The following MED13L variants were observed in gnomAD, a reference collection of about 807,000 sequenced individuals.
The protein encoded by MED13L is mediator complex subunit 13L, also known as mediator of RNA polymerase II transcription subunit 13-like.
A neutral mutation model predicts 220.9 loss-of-function variants in MED13L; 7 were observed. That is an observed-to-expected ratio of 0.03 (90% CI 0.02 to 0.06). MED13L has a LOEUF of 0.06. Ranked by LOEUF, MED13L falls within the 10% of genes least tolerant of loss-of-function variation. MED13L has a pLI of 1.00. For synonymous variants in MED13L, 1,011 were observed against 1,015.2 expected, an observed-to-expected ratio of 1.00 and a Z score of 0.08; for missense variants, 1,965 against 2,760.5, an observed-to-expected ratio of 0.71 and a Z score of 6.46.
intron 2 of MED13L, among the ~76,000 whole-genome samples, chr12:116,201,914 T>A (rs1424775983): frequency 1.3e-5 from 2 of 152,226 alleles, no homozygotes; most frequent in Non-Finnish European, 2.9e-5. Flanking sequence ...CAAAACTCCA[T>A]GAAAGTCTTT....
intron 2 of MED13L, among the ~76,000 whole-genome samples, chr12:116,231,187 C>A (rs1869523922): frequency 6.6e-6 from 1 of 152,138 alleles, no homozygotes; most frequent in Admixed American, 6.5e-5. Flanking sequence ...GAGATATTCA[C>A]ACAATCTCAA....
At position 116,117,301 on chromosome 12, in the gene MED13L, C is replaced by T. The variant is rs558810925; in HGVS notation, c.311-5789G>A. On this transcript the variant is annotated intron_variant, in intron 2 of 30. Coordinates refer to ENST00000281928, the MANE Select transcript of MED13L (RefSeq NM_015335.5). ...TGGAGGTGGTGAGACAGGTTGATAC[C>T]AAAGGGACACCGGAAATTTGAGGGG... 2.6e-5 allele frequency among the ~76,000 whole-genome samples: 4 copies of T among 152,184 alleles called. No individual in the cohort carries two copies. In the East Asian group the frequency reaches 7.7e-4, roughly 29 times the overall value.
intron 2 of MED13L, among the ~76,000 whole-genome samples, chr12:116,204,004 A>C (rs1202938989): frequency 6.6e-6 from 1 of 152,218 alleles, no homozygotes. Context: ...ACATGTCGTA[A>C]TGGTATCTGC....
At chr12:116,229,154 G>C (rs1869298625) in intron 2 of MED13L, among the ~76,000 whole-genome samples, 1 of 152,032 alleles carries the variant, frequency 6.6e-6, no homozygotes, top group African/African-American at 2.4e-5. Context: ...AATGGTGAGG[G>C]GGGCATCAAA....
intron 14 of MED13L, among the ~76,000 whole-genome samples, chr12:115,998,445 T>C (rs1018949320): frequency 6.6e-6 from 1 of 152,236 alleles, no homozygotes; most frequent in African/African-American, 2.4e-5. Context: ...TGTACCGTGC[T>C]GTGCTCACGG....
rs143412659 is a variant in MED13L at position 116,102,032 on chromosome 12, G to C, written c.396-5280C>G. On this transcript the variant is annotated intron_variant, in intron 3 of 30. Transcript: ENST00000281928. Reference sequence around the variant, plus strand: ...CACTGTGATGCCAGATTTATAAAATGGTCTTTAAGCAATAGTACTAGGAAA... The same window carrying C: ...CACTGTGATGCCAGATTTATAAAATCGTCTTTAAGCAATAGTACTAGGAAA... Among the ~76,000 whole-genome samples, 300 of 152,166 alleles carry C rather than the reference G, an allele frequency of 2.0e-3. 2 individuals carry two copies. The highest frequency in any genetic ancestry group is 4.5e-3 in the Admixed American group (68 of 15,264).
At chr12:116,002,142 C>T (rs1041640670) in intron 14 of MED13L, among the ~76,000 whole-genome samples, 12 of 152,194 alleles carry the variant, frequency 7.9e-5, no homozygotes, top group African/African-American at 2.7e-4. Context: ...CAGCAACGGG[C>T]TGGCTATCAT....
intron 2 of MED13L, among the ~76,000 whole-genome samples, chr12:116,207,543 CA>C (rs1288900131): frequency 1.3e-5 from 2 of 151,716 alleles, no homozygotes; most frequent in East Asian, 1.9e-4. Context: ...TAACAGACAA[CA>C]ACAAAAAAAG....
chr12:116,233,588 C>T (rs1334201241), intron 2 of MED13L, among the ~76,000 whole-genome samples: 1 of 152,212 alleles, frequency 6.6e-6, no homozygotes, highest in Non-Finnish European at 1.5e-5. Context: ...AATTCATTCG[C>T]AGCCTGTAGG....
chr12:115,976,663 AAATC>A (rs1876962908), intron 23 of MED13L, among the ~76,000 whole-genome samples: 2 of 152,358 alleles, frequency 1.3e-5, no homozygotes, highest in Admixed American at 6.5e-5. Context: ...ATAATTTTAA[AAATC>A]AAATCAACAG....
intron 2 of MED13L, among the ~76,000 whole-genome samples, chr12:116,121,906 T>C (rs926137886): frequency 1.3e-5 from 2 of 152,114 alleles, no homozygotes; most frequent in East Asian, 1.9e-4. Context: ...GTTAAAATTG[T>C]TGAAAATCAA....
At chr12:116,039,437 T>G (rs1327246513) in intron 4 of MED13L, among the ~76,000 whole-genome samples, 1 of 152,206 alleles carries the variant, frequency 6.6e-6, no homozygotes, top group Non-Finnish European at 1.5e-5. Context: ...TTCCATACTC[T>G]TCCCATGCCA....
chr12:116,063,095 AGCTG>A (rs1869641227), intron 4 of MED13L, among the ~76,000 whole-genome samples: 1 of 152,206 alleles, frequency 6.6e-6, no homozygotes, highest in East Asian at 1.9e-4. Context: ...TTAGCACAGC[AGCTG>A]GCTATTTGAT....
intron 4 of MED13L, among the ~76,000 whole-genome samples, chr12:116,052,019 G>A (rs1232399871): frequency 6.6e-6 from 1 of 151,998 alleles, no homozygotes; most frequent in East Asian, 1.9e-4. Context: ...CAGCAGCAGT[G>A]GTAGCCGACC....
At chr12:116,257,549 T>C (rs1872163532) in intron 1 of MED13L, among the ~76,000 whole-genome samples, 1 of 152,152 alleles carries the variant, frequency 6.6e-6, no homozygotes, top group African/African-American at 2.4e-5. Flanking sequence ...AAGAACAGTG[T>C]AGTAACAAGA....
chr12:116,004,161 T>A (rs1225446756), intron 13 of MED13L, among the ~76,000 whole-genome samples: 1 of 152,174 alleles, frequency 6.6e-6, no homozygotes, highest in African/African-American at 2.4e-5. Context: ...CCAAAATGCT[T>A]GCTCTGTTCC....
At chr12:116,024,779 G>T (rs1429355701) in intron 4 of MED13L, among the ~76,000 whole-genome samples, 2 of 93,766 alleles carry the variant, frequency 2.1e-5, no homozygotes, top group Admixed American at 2.2e-4. Context: ...GGGGCGGGGG[G>T]GGGGGGGAGG....
chr12:116,277,174 C>T lies in MED13L; in HGVS notation c.-43G>A. 2 of 1,413,586 alleles carry T rather than the reference C, an allele frequency of 1.4e-6. No individual in the cohort carries two copies. Among genetic ancestry groups the T allele is most frequent in the Non-Finnish European group, 1.9e-6 (2 of 1,061,972 alleles). 87.6% of individuals were successfully genotyped at this position (1,413,586 alleles called of 1,614,324 possible). A position where few individuals can be genotyped will look rare whatever the true frequency, so the allele number is the denominator to read the frequency against. On this transcript the variant is annotated 5_prime_UTR_variant, in exon 1 of 31. Coordinates refer to ENST00000281928, the MANE Select transcript of MED13L (RefSeq NM_015335.5). The stretch of plus-strand genomic sequence containing the variant: ...GCCGCCAGAGCGGGGCATGTCGGAG[C>T]GAGGCGTCCGAGGCGAGGCCGGGCC...
At chr12:116,208,138 T>C (rs958922712) in intron 2 of MED13L, among the ~76,000 whole-genome samples, 32 of 152,200 alleles carry the variant, frequency 2.1e-4, no homozygotes, top group Admixed American at 1.2e-3. Flanking sequence ...CTCACTCCTG[T>C]AATCCCAGCA....
Sources: gnomAD v4.1 joint callset for allele counts (sites outside exome capture counted in the v4.1 genomes callset) on GRCh38, gnomAD v4.1.1 for gene constraint, MANE v1.5 for transcripts, NCBI Gene and HGNC (gene_info 2026-07-23, HGNC 2026-07-21) for gene names.